Variants in NRXN1 observed in about 807,000 individuals in gnomAD.
The protein encoded by NRXN1 is neurexin 1.
NRXN1 carries 39 observed loss-of-function variants against 150.9 expected under a neutral mutation model. That is an observed-to-expected ratio of 0.26 (90% CI 0.20 to 0.34). The LOEUF is 0.34. Ranked by LOEUF, NRXN1 falls within the 10% of genes least tolerant of loss-of-function variation. The pLI is 1.00. For synonymous variants in NRXN1, 924 were observed against 757.0 expected (o/e 1.22, Z -3.62); for missense variants, 1,815 against 1,949.9 (o/e 0.93, Z 1.30).
chr2:50,018,613 T>A (rs1375335367), intron 21 of NRXN1, among the ~76,000 whole-genome samples: 1 of 152,238 alleles, frequency 6.6e-6, no homozygotes, highest in Non-Finnish European at 1.5e-5. Context: ...TGAAAATTTC[T>A]GTAGTTGTAT....
chr2:50,280,375 T>C (rs2071267679), intron 17 of NRXN1, among the ~76,000 whole-genome samples: 1 of 151,942 alleles, frequency 6.6e-6, no homozygotes, highest in Non-Finnish European at 1.5e-5. Context: ...TTGTTTTAAA[T>C]AAATGGGATT....
chr2:50,353,317 C>A (rs1443558451), intron 17 of NRXN1, among the ~76,000 whole-genome samples: 1 of 152,102 alleles, frequency 6.6e-6, no homozygotes, highest in Non-Finnish European at 1.5e-5. Context: ...GGAGCACCAA[C>A]CAATAATATG....
At chr2:50,322,329 G>T (rs1209847601) in intron 17 of NRXN1, among the ~76,000 whole-genome samples, 5 of 152,126 alleles carry the variant, frequency 3.3e-5, no homozygotes. Flanking sequence ...GCTGTTGTGG[G>T]GTATGAGCAA....
chr2:50,754,302 A>G (rs1272633831), intron 5 of NRXN1, among the ~76,000 whole-genome samples: 1 of 151,816 alleles, frequency 6.6e-6, no homozygotes, highest in Non-Finnish European at 1.5e-5. Flanking sequence ...ACATCCTCTT[A>G]TTATTTATTG....
chr2:50,707,370 T>A (rs1180395426), intron 5 of NRXN1, among the ~76,000 whole-genome samples: 1 of 152,182 alleles, frequency 6.6e-6, no homozygotes. Flanking sequence ...TAGTTAAAAA[T>A]AATTCTGAAG....
rs181764701 is a variant in NRXN1 at position 50,278,925 on chromosome 2, C to T, written c.3365-41955G>A. On this transcript the variant is annotated intron_variant, in intron 17 of 22. Coordinates refer to ENST00000401669, the MANE Select transcript of NRXN1 (RefSeq NM_001330078.2). ...AGATTTAATTACAAATAAAGCACCT[C>T]TTAAAATATTAATTCCTAAAATAAA... Among the ~76,000 whole-genome samples the T allele has an allele frequency of 5.3e-5, 8 of 152,300 alleles. No homozygotes were observed. The East Asian group carries it at 5.8e-4, about 11-fold the overall frequency.
In NRXN1 at chr2:50,019,970, AAAAGAGAG is replaced by A. The variant is rs1245821968; in HGVS notation, c.4128+33293_4128+33300del. Among the ~76,000 whole-genome samples the A allele has an allele frequency of 2.2e-4, 29 of 129,138 alleles. 4 individuals are homozygous for A. Among genetic ancestry groups the A allele is most frequent in the East Asian group, 1.2e-3 (5 of 4,342 alleles). 84.7% of individuals were successfully genotyped at this position (129,138 alleles called of 152,430 possible). A position where few individuals can be genotyped will look rare whatever the true frequency, so the allele number is the denominator to read the frequency against. On this transcript the variant is annotated intron_variant, in intron 21 of 22. Transcript: ENST00000401669. ...CTCAAAAAAAAAAAAAAAAAAAAAAAAAAGAGAGAGAGAGAGACCTAGGGAGCTACGTC... is the reference window on the plus strand; with the variant it reads ...CTCAAAAAAAAAAAAAAAAAAAAAAAAGAGAGAGACCTAGGGAGCTACGTC...
chr2:49,953,519 C>A (rs1674352895), intron 21 of NRXN1, among the ~76,000 whole-genome samples: 1 of 151,906 alleles, frequency 6.6e-6, no homozygotes, highest in South Asian at 2.1e-4. Flanking sequence ...GCTGAAACAC[C>A]TCAGTTTAAT....
intron 17 of NRXN1, among the ~76,000 whole-genome samples, chr2:50,402,866 G>C (rs1180620441): frequency 6.6e-6 from 1 of 152,026 alleles, no homozygotes; most frequent in Admixed American, 6.6e-5. Flanking sequence ...AATAATAAAT[G>C]ATAGATTTAC....
chr2:50,558,133 T>A (rs112184300), intron 8 of NRXN1, among the ~76,000 whole-genome samples: 1 of 152,202 alleles, frequency 6.6e-6, no homozygotes, highest in Non-Finnish European at 1.5e-5. Flanking sequence ...AAGAGTTTTA[T>A]ATATAGTAAT....
intron 21 of NRXN1, among the ~76,000 whole-genome samples, chr2:50,026,634 A>C (rs2152564029): frequency 6.6e-6 from 1 of 152,128 alleles, no homozygotes; most frequent in East Asian, 1.9e-4. Flanking sequence ...AAACCATTAA[A>C]ATTGCATACT....
chr2:50,072,236 G>A (rs945177464), intron 19 of NRXN1, among the ~76,000 whole-genome samples: 5 of 152,198 alleles, frequency 3.3e-5, no homozygotes, highest in Non-Finnish European at 4.4e-5. Flanking sequence ...GATGACTGCA[G>A]CACTATTAAA....
At chr2:50,251,957 C>T (rs530567250) in intron 17 of NRXN1, among the ~76,000 whole-genome samples, 2 of 152,200 alleles carry the variant, frequency 1.3e-5, no homozygotes, top group East Asian at 3.9e-4. Context: ...GGATAGATTG[C>T]AAAAGTTTTC....
intron 8 of NRXN1, among the ~76,000 whole-genome samples, chr2:50,618,080 A>C (rs1679334581): frequency 6.6e-6 from 1 of 152,004 alleles, no homozygotes; most frequent in Non-Finnish European, 1.5e-5. Flanking sequence ...CCTTTTTCCA[A>C]TCTAAGCAGG....
At chr2:50,736,283 C>T (rs1474504142) in intron 5 of NRXN1, among the ~76,000 whole-genome samples, 1 of 152,156 alleles carries the variant, frequency 6.6e-6, no homozygotes, top group Non-Finnish European at 1.5e-5. Context: ...GAATTCATCA[C>T]AAATGTCATT....
rs192008640 is a variant in NRXN1, at chr2:50,889,953, T to C, written c.832+31916A>G. On this transcript the variant is annotated intron_variant, in intron 5 of 22. Coordinates refer to ENST00000401669, the MANE Select transcript of NRXN1 (RefSeq NM_001330078.2). Reference sequence around the variant, plus strand: ...AAAATGCTTATTTTTCCTAAACATATCTTTAAAATAAATCTAATTTATCAG... The same window carrying C: ...AAAATGCTTATTTTTCCTAAACATACCTTTAAAATAAATCTAATTTATCAG... 1.9e-3 allele frequency among the ~76,000 whole-genome samples: 283 copies of C among 151,870 alleles called. 1 individual carries two copies. The highest frequency in any genetic ancestry group is 6.7e-3 in the African/African-American group (280 of 41,530).
At chr2:50,008,777 C>G (rs1685169897) in intron 21 of NRXN1, among the ~76,000 whole-genome samples, 1 of 152,002 alleles carries the variant, frequency 6.6e-6, no homozygotes, top group African/African-American at 2.4e-5. Context: ...TTGGAGTTTT[C>G]TTTCTGATCT....
chr2:50,871,549 G>T (rs1388291989), intron 5 of NRXN1, among the ~76,000 whole-genome samples: 1 of 151,774 alleles, frequency 6.6e-6, no homozygotes, highest in Non-Finnish European at 1.5e-5. Flanking sequence ...CAATTTAAGA[G>T]AAATATACAG....
chr2:50,398,029 A>T (rs1216951876), intron 17 of NRXN1, among the ~76,000 whole-genome samples: 2 of 152,174 alleles, frequency 1.3e-5, no homozygotes, highest in African/African-American at 4.8e-5. Context: ...GAAAGGAAGA[A>T]TGTTGGAAAA....
Sources: gnomAD v4.1 joint callset for allele counts (sites outside exome capture counted in the v4.1 genomes callset) on GRCh38, gnomAD v4.1.1 for gene constraint, MANE v1.5 for transcripts, NCBI Gene and HGNC (gene_info 2026-07-23, HGNC 2026-07-21) for gene names.